The following SMG5 variants were observed in gnomAD, a reference collection of about 807,000 sequenced individuals.
SMG5 encodes nonsense-mediated mRNA decay factor SMG5.
A neutral mutation model predicts 122.9 loss-of-function variants in SMG5; 53 were observed. The ratio of observed to expected loss-of-function variants is 0.43; its 90% CI spans 0.35 to 0.54. The LOEUF (loss-of-function observed/expected upper bound fraction) is 0.54, where lower values mean the gene tolerates loss of function less well. Ranked by LOEUF, SMG5 falls within the 20% of genes least tolerant of loss-of-function variation. The probability of loss-of-function intolerance (pLI) is 0.01; values close to 1 mark genes in which losing one functional copy is unlikely to be tolerated. For synonymous variants in SMG5, 477 were observed against 490.2 expected, an observed-to-expected ratio of 0.97 and a Z score of 0.35; for missense variants, 1,153 against 1,285.6, an observed-to-expected ratio of 0.90 and a Z score of 1.58.
rs1661941505 is a variant in SMG5, at chr1:156,263,264, A to G, written c.2031+131T>C. The G allele has an allele frequency of 2.9e-5, 30 of 1,040,098 alleles. No individual in the cohort carries two copies. In the South Asian group the frequency reaches 4.2e-4, roughly 15 times the overall value. 64.4% of individuals were successfully genotyped at this position (1,040,098 alleles called of 1,614,324 possible). Reference sequence around the variant, plus strand: ...CTGTCAGAGCATAAGGGCCCAGCACAGATAGGTGATTAATTGCTTGGCAAT... The same window carrying G: ...CTGTCAGAGCATAAGGGCCCAGCACGGATAGGTGATTAATTGCTTGGCAAT... On this transcript the variant is annotated intron_variant, in intron 13 of 21. Transcript: ENST00000361813.
intron 14 of SMG5, among the ~76,000 whole-genome samples, 179 bp from the exon 15 acceptor site, chr1:156,260,805 C>A (rs149914637): frequency 1.3e-5 from 2 of 152,280 alleles, no homozygotes; most frequent in South Asian, 2.1e-4. Flanking sequence ...AAGAGCCAGT[C>A]AGGCAGAGCA....
In SMG5 at chr1:156,263,527, T is replaced by C; in HGVS notation, c.1899A>G (p.Gly633=). 1 of 1,614,172 alleles carries C rather than the reference T, an allele frequency of 6.2e-7. No homozygotes were observed. Among genetic ancestry groups the C allele is most frequent in the Non-Finnish European group, 8.5e-7 (1 of 1,180,008 alleles). Residue 633 remains glycine (G), a synonymous_variant, in exon 13 of 22, where the codon GGA becomes GGG. Coordinates refer to ENST00000361813, the MANE Select transcript of SMG5 (RefSeq NM_015327.3). The stretch of plus-strand genomic sequence containing the variant: ...TGCTGCGCTCATTCCGACAGGAGCG[T>C]CCACTGGACTCACTCCCCTCCGACT... The part of the protein sequence containing the change: ...GSESEGSESS[G]RSCRNERSIQ...
At position 156,253,525 on chromosome 1, in the gene SMG5, G is replaced by A. The variant is rs778033458; in HGVS notation, c.2443-17C>T. On this transcript the variant is annotated splice_polypyrimidine_tract_variant and intron_variant, in intron 16 of 21. Transcript: ENST00000361813. ...CTCCTGTGCCTATGAGGGAAAAAAT[G>A]AGCTGTAAGGAGTTGGGGTGTATTT... 11 of 1,613,388 alleles carry A rather than the reference G, an allele frequency of 6.8e-6. No homozygotes were observed. Among genetic ancestry groups the A allele is most frequent in the African/African-American group, 1.3e-5 (1 of 74,884 alleles).
chr1:156,282,502 C>G, intron 1 of SMG5, 105 bp downstream of exon 1: 1 of 1,287,070 alleles, frequency 7.8e-7, no homozygotes, highest in Non-Finnish European at 1.1e-6. Flanking sequence ...CCTTCCTCAC[C>G]CGCACCTCAC....
chr1:156,283,202 TCCC>T (rs1553296792), upstream of SMG5: 1 of 202,666 alleles, frequency 4.9e-6, no homozygotes, highest in Non-Finnish European at 9.8e-6. Context: ...CTTTCCCTTT[TCCC>T]CCATAATTTA....
At chr1:156,277,064 C>T (rs1438523096) in intron 4 of SMG5, 21 bp downstream of exon 4, 2 of 1,608,066 alleles carry the variant, frequency 1.2e-6, no homozygotes, top group Non-Finnish European at 1.7e-6. Context: ...TGCTCAAGTC[C>T]ACCTTTCAGG....
intron 7 of SMG5, among the ~76,000 whole-genome samples, chr1:156,270,355 C>T (rs1193039215): frequency 1.3e-5 from 2 of 152,194 alleles, no homozygotes; most frequent in Non-Finnish European, 2.9e-5. Context: ...ATAAGAAGTT[C>T]TTCTACCCTG....
upstream of SMG5, chr1:156,285,913 G>T: frequency 6.3e-7 from 1 of 1,582,904 alleles, no homozygotes; most frequent in Non-Finnish European, 8.6e-7. Flanking sequence ...TCCCACGGCT[G>T]CCCACCATGA....
At chr1:156,250,818 C>A (rs1180099525) in intron 21 of SMG5, 40 bp downstream of exon 21, 1 of 1,611,200 alleles carries the variant, frequency 6.2e-7, no homozygotes, top group Admixed American at 1.7e-5. Context: ...GGTACCTCGT[C>A]CCTATTCCAC....
Position 156,255,623 on chromosome 1 carries a change from T to C in SMG5, c.2443-2115A>G, listed in dbSNP as rs143174357. Among the ~76,000 whole-genome samples, 31 of 152,118 alleles carry C rather than the reference T, an allele frequency of 2.0e-4. 2 individuals are homozygous for C. The East Asian group carries it at 5.2e-3, about 26-fold the overall frequency. On this transcript the variant is annotated intron_variant, in intron 16 of 21. Transcript: ENST00000361813. ...TCTTGGGGCCAGGCACAGTAGCTCA[T>C]GCCTGTAATCCCAGCAATATGGGAG... is the stretch of plus-strand genomic sequence containing the variant.
At chr1:156,285,836 G>A (rs750729853), upstream of SMG5, 93 of 1,613,534 alleles carry the variant, frequency 5.8e-5, no homozygotes, top group Non-Finnish European at 7.3e-5. Flanking sequence ...TGTGGCCTCC[G>A]TGGGAGCCGC....
chr1:156,271,790 A>C (rs112202758), intron 7 of SMG5, among the ~76,000 whole-genome samples: 2 of 151,910 alleles, frequency 1.3e-5, no homozygotes, highest in South Asian at 2.1e-4. Context: ...ATGGGGTTTC[A>C]CCATGTTGGC....
At chr1:156,264,267 CAAAAAAAAAA>C (rs1205363773) in intron 12 of SMG5, among the ~76,000 whole-genome samples, 21 of 53,980 alleles carry the variant, frequency 3.9e-4, no homozygotes, top group East Asian at 2.7e-3. Context: ...GACTCCGTCT[CAAAAAAAAAA>C]AAAAAAAAAA....
At chr1:156,264,587 A>T (rs905118123) in intron 12 of SMG5, among the ~76,000 whole-genome samples, 1 of 152,230 alleles carries the variant, frequency 6.6e-6, no homozygotes, top group African/African-American at 2.4e-5. Context: ...GGCCACAAGA[A>T]GCAAATCTAA....
chr1:156,265,036 TACACACACACACACACACACAC>T (rs35457785), intron 12 of SMG5, among the ~76,000 whole-genome samples: 3 of 122,804 alleles, frequency 2.4e-5, no homozygotes, highest in Non-Finnish European at 4.9e-5. Context: ...AAAAAAAAAA[TACACACACACACACACACACAC>T]ACACACACAC....
At chr1:156,277,526 T>TC (rs1662739011) in intron 3 of SMG5, among the ~76,000 whole-genome samples, 1 of 151,636 alleles carries the variant, frequency 6.6e-6, no homozygotes, top group Admixed American at 6.6e-5. Flanking sequence ...TTTTTTTTTT[T>TC]TTTGAGATGG....
Position 156,260,568 on chromosome 1 carries a change from G to C in SMG5, c.2166C>G (p.Leu722=). Residue 722 remains leucine (L), a synonymous_variant, in exon 15 of 22, where the codon CTC becomes CTG. Transcript: ENST00000361813. ...CCTCTGGGAGCAGAAGGCTAGAGGG[G>C]AGGTCAGGCAGTTCACAACCTTCAA... ...DLLEGCELPD[L]PSSLLLPEDM... is the part of the protein sequence containing the mutation. 1 of 1,547,340 alleles carries C rather than the reference G, an allele frequency of 6.5e-7. No individual in the cohort carries two copies. Among genetic ancestry groups the C allele is most frequent in the Non-Finnish European group, 8.7e-7 (1 of 1,153,514 alleles).
chr1:156,291,315 C>G, the SMG5 span: 1 of 1,443,838 alleles, frequency 6.9e-7, no homozygotes, highest in Non-Finnish European at 9.7e-7. Flanking sequence ...CTCCCCCCAC[C>G]GTCAGCCTAT....
intron 10 of SMG5, among the ~76,000 whole-genome samples, chr1:156,267,250 T>G (rs979989586): frequency 1.2e-4 from 19 of 152,164 alleles, no homozygotes; most frequent in Non-Finnish European, 2.4e-4. Flanking sequence ...TGGGAGGCAG[T>G]AAGGAGAAGG....
Sources: allele counts gnomAD v4.1 joint callset (sites outside exome capture counted in the v4.1 genomes callset), GRCh38; gene constraint gnomAD v4.1.1; transcripts MANE v1.5; gene names NCBI Gene and HGNC (gene_info 2026-07-23, HGNC 2026-07-21).